The following ZNF804A variants were observed in gnomAD, a reference collection of about 807,000 sequenced individuals.
ZNF804A encodes the protein zinc finger protein 804A.
In ZNF804A, 2 loss-of-function variants were observed where a neutral mutation model predicts 16.5. That is an observed-to-expected ratio of 0.12 (90% CI 0.05 to 0.38). The LOEUF is 0.38. Among genes scored for constraint, ZNF804A ranks in the 10% least tolerant of loss-of-function variants. ZNF804A has a pLI of 0.99. For missense variants in ZNF804A, 1,473 were observed against 1,390.7 expected (o/e 1.06, Z -0.94); for synonymous variants, 534 against 489.6 (o/e 1.09, Z -1.20).
intron 2 of ZNF804A, among the ~76,000 whole-genome samples, chr2:184,880,995 C>A (rs1233893639): frequency 6.6e-6 from 1 of 151,766 alleles, no homozygotes; most frequent in Non-Finnish European, 1.5e-5. Context: ...TAGTTGAAAC[C>A]CAATCCAAGA....
chr2:184,739,044 A>G (rs1268366604), intron 1 of ZNF804A, among the ~76,000 whole-genome samples: 1 of 152,226 alleles, frequency 6.6e-6, no homozygotes, highest in East Asian at 1.9e-4. Context: ...AGGATAAACA[A>G]TAATAACTTT....
intron 1 of ZNF804A, among the ~76,000 whole-genome samples, chr2:184,661,250 C>G (rs1692171426): frequency 1.3e-5 from 2 of 152,074 alleles, no homozygotes; most frequent in South Asian, 4.1e-4. Context: ...GCTCAGCATG[C>G]CAGCCAGGAG....
chr2:184,599,432 A>C (rs907934951), intron 1 of ZNF804A, among the ~76,000 whole-genome samples: 4 of 152,176 alleles, frequency 2.6e-5, no homozygotes, highest in African/African-American at 9.6e-5. Flanking sequence ...AGGAGGCTGA[A>C]GGTGAATGAG....
chr2:184,611,716 A>G (rs1001611099), intron 1 of ZNF804A, among the ~76,000 whole-genome samples: 1 of 152,192 alleles, frequency 6.6e-6, no homozygotes, highest in Non-Finnish European at 1.5e-5. Context: ...ATAGTAATCA[A>G]CCATAGATTA....
intron 1 of ZNF804A, among the ~76,000 whole-genome samples, chr2:184,625,337 CA>C: frequency 6.6e-6 from 1 of 152,092 alleles, no homozygotes; most frequent in Non-Finnish European, 1.5e-5. Context: ...TTTTTTCTCA[CA>C]AAGTCATAAA....
intron 1 of ZNF804A, among the ~76,000 whole-genome samples, chr2:184,810,514 G>A (rs371602151): frequency 8.3e-5 from 10 of 119,876 alleles, no homozygotes; most frequent in Non-Finnish European, 1.6e-4. Flanking sequence ...TTTTTGAGAC[G>A]GAGTCTCACT....
chr2:184,682,836 A>C (rs1224916387), intron 1 of ZNF804A, among the ~76,000 whole-genome samples: 1 of 152,016 alleles, frequency 6.6e-6, no homozygotes, highest in Non-Finnish European at 1.5e-5. Context: ...ACAAAACCAG[A>C]TCTCTACAAA....
At chr2:184,907,165 T>C (rs770598395) in intron 2 of ZNF804A, among the ~76,000 whole-genome samples, 2 of 152,204 alleles carry the variant, frequency 1.3e-5, no homozygotes, top group Admixed American at 6.5e-5. Context: ...TTTTCATCTA[T>C]GAAACTGTGA....
chr2:184,723,543 G>A (rs1693357250), intron 1 of ZNF804A, among the ~76,000 whole-genome samples: 1 of 151,706 alleles, frequency 6.6e-6, no homozygotes, highest in East Asian at 1.9e-4. Flanking sequence ...ATGGATATCA[G>A]TTTCATTATT....
intron 1 of ZNF804A, among the ~76,000 whole-genome samples, chr2:184,806,921 C>T (rs1272101894): frequency 6.6e-6 from 1 of 151,466 alleles, no homozygotes; most frequent in Admixed American, 6.6e-5. Flanking sequence ...ACAGAAGTTG[C>T]ATTGTCATAT....
At chr2:184,739,736 A>G (rs16826183) in intron 1 of ZNF804A, among the ~76,000 whole-genome samples, 6,255 of 152,178 alleles carry the variant, frequency 0.041, 421 homozygotes, top group African/African-American at 0.14. Flanking sequence ...CAGATATACA[A>G]TAGCTTACCT....
intron 1 of ZNF804A, among the ~76,000 whole-genome samples, chr2:184,798,376 T>G (rs1694671135): frequency 6.6e-6 from 1 of 151,862 alleles, no homozygotes; most frequent in Non-Finnish European, 1.5e-5. Flanking sequence ...GAACACCAAT[T>G]ATTCATAAGT....
chr2:184,669,752 T>A (rs1254564180), intron 1 of ZNF804A, among the ~76,000 whole-genome samples: 1 of 70,198 alleles, frequency 1.4e-5, no homozygotes, highest in Non-Finnish European at 3.1e-5. Context: ...CATCTCTCTC[T>A]CACACACACA....
At chr2:184,767,047 C>T (rs937619811) in intron 1 of ZNF804A, among the ~76,000 whole-genome samples, 1 of 152,132 alleles carries the variant, frequency 6.6e-6, no homozygotes, top group African/African-American at 2.4e-5. Flanking sequence ...GCTTTATCTA[C>T]AAGCCAAGGA....
chr2:184,927,601 G>A (rs1377998829), intron 2 of ZNF804A, among the ~76,000 whole-genome samples: 1 of 152,180 alleles, frequency 6.6e-6, no homozygotes, highest in Non-Finnish European at 1.5e-5. Flanking sequence ...TGGGTCCAGA[G>A]GTTATGTCTT....
At chr2:184,836,745 AAT>A (rs2105798146) in intron 1 of ZNF804A, among the ~76,000 whole-genome samples, 1 of 151,198 alleles carries the variant, frequency 6.6e-6, no homozygotes, top group African/African-American at 2.4e-5. Context: ...AGCATTTTTT[AAT>A]AGTCTTTTCA....
chr2:184,881,416 C>A (rs1684808799), intron 2 of ZNF804A, among the ~76,000 whole-genome samples: 1 of 151,810 alleles, frequency 6.6e-6, no homozygotes, highest in African/African-American at 2.4e-5. Context: ...TATGGAAATG[C>A]AGAGAACAAG....
At chr2:184,880,449 A>G (rs925908999) in intron 2 of ZNF804A, among the ~76,000 whole-genome samples, 3 of 151,908 alleles carry the variant, frequency 2.0e-5, no homozygotes, top group Non-Finnish European at 4.4e-5. Flanking sequence ...TCAAGCTTCT[A>G]TTGTTAAGAC....
chr2:184,846,129 T>C (rs1011065330), intron 1 of ZNF804A, among the ~76,000 whole-genome samples: 2 of 152,144 alleles, frequency 1.3e-5, no homozygotes, highest in African/African-American at 4.8e-5. Context: ...CAGAGGTCTT[T>C]ATAAGCTTCC....
Sources: allele counts gnomAD v4.1 joint callset (sites outside exome capture counted in the v4.1 genomes callset), GRCh38; gene constraint gnomAD v4.1.1; transcripts MANE v1.5; gene names NCBI Gene and HGNC (gene_info 2026-07-23, HGNC 2026-07-21).